Variants in PTPRG observed in about 807,000 individuals in gnomAD.
The protein encoded by PTPRG is receptor-type tyrosine-protein phosphatase gamma.
Under a neutral mutation model 165.3 loss-of-function variants are expected in PTPRG, and 102 were observed. The observed-to-expected ratio is 0.62, with a 90% CI of 0.53 to 0.73. The LOEUF is 0.73. PTPRG is among the 30% of genes least tolerant of loss of function. PTPRG has a pLI of 0.00. For synonymous variants in PTPRG, 675 were observed against 669.5 expected (o/e 1.01, Z -0.13); for missense variants, 1,866 against 1,861.4 (o/e 1.00, Z -0.05).
intron 2 of PTPRG, among the ~76,000 whole-genome samples, chr3:61,834,837 G>T (rs1398697605): frequency 6.6e-6 from 1 of 151,868 alleles, no homozygotes; most frequent in Non-Finnish European, 1.5e-5. Context: ...GAACATTTTG[G>T]TTCTGATGTG....
chr3:61,700,704 T>G (rs902579470), intron 1 of PTPRG, among the ~76,000 whole-genome samples: 6 of 152,214 alleles, frequency 3.9e-5, no homozygotes, highest in South Asian at 2.1e-4. Flanking sequence ...AATTTTAGCC[T>G]TGTTCCAGAA....
At chr3:61,643,417 A>G (rs891486434) in intron 1 of PTPRG, among the ~76,000 whole-genome samples, 1 of 152,214 alleles carries the variant, frequency 6.6e-6, no homozygotes, top group African/African-American at 2.4e-5. Context: ...CTGATTGGAA[A>G]TGGGGCAAAA....
intron 2 of PTPRG, among the ~76,000 whole-genome samples, chr3:61,853,124 CAA>C (rs1468192648): frequency 2.0e-5 from 3 of 152,090 alleles, no homozygotes; most frequent in Admixed American, 6.5e-5. Context: ...GGGAAACAGA[CAA>C]AGAGTAAGAA....
chr3:62,031,508 G>C (rs752350396), intron 4 of PTPRG, among the ~76,000 whole-genome samples: 1 of 152,180 alleles, frequency 6.6e-6, no homozygotes, highest in Non-Finnish European at 1.5e-5. Context: ...AATGAGTTTG[G>C]ATTTTATTTT....
intron 2 of PTPRG, among the ~76,000 whole-genome samples, chr3:61,839,405 G>A (rs1446144326): frequency 1.3e-5 from 2 of 152,110 alleles, no homozygotes; most frequent in African/African-American, 4.8e-5. Context: ...GCTGCTCCTG[G>A]AAGCCCCAGA....
At chr3:62,114,075 G>A (rs1227829142) in intron 5 of PTPRG, among the ~76,000 whole-genome samples, 7 of 152,220 alleles carry the variant, frequency 4.6e-5, no homozygotes, top group Non-Finnish European at 1.0e-4. Context: ...AAGGTGGGCA[G>A]ATCACCTGAG....
intron 21 of PTPRG, among the ~76,000 whole-genome samples, chr3:62,272,513 A>G (rs967001304): frequency 2.0e-5 from 3 of 152,106 alleles, no homozygotes; most frequent in Admixed American, 1.3e-4. Flanking sequence ...TTATGTTGCA[A>G]TGCTAAGTGA....
chr3:61,667,546 A>C (rs574784680), intron 1 of PTPRG, among the ~76,000 whole-genome samples: 2 of 152,318 alleles, frequency 1.3e-5, no homozygotes, highest in African/African-American at 4.8e-5. Context: ...GCTTCTCAGA[A>C]CAGTTCTATG....
At chr3:62,106,487 T>G (rs1003108696) in intron 5 of PTPRG, among the ~76,000 whole-genome samples, 5 of 147,786 alleles carry the variant, frequency 3.4e-5, no homozygotes, top group African/African-American at 1.2e-4. Context: ...TTTGGTCCCC[T>G]GCAAACTCTT....
At chr3:61,713,748 T>A (rs1365740727) in intron 1 of PTPRG, among the ~76,000 whole-genome samples, 1 of 152,154 alleles carries the variant, frequency 6.6e-6, no homozygotes, top group East Asian at 1.9e-4. Flanking sequence ...TGTCCCAATT[T>A]TTGGTTTGTA....
chr3:61,815,242 C>CAAAAAAAAA (rs749800087), intron 2 of PTPRG, among the ~76,000 whole-genome samples: 1 of 110,158 alleles, frequency 9.1e-6, no homozygotes, highest in Admixed American at 9.5e-5. Flanking sequence ...ACTAAAAATA[C>CAAAAAAAAA]AAAAAAAAAA....
chr3:61,922,760 C>T (rs2039110996), intron 2 of PTPRG, among the ~76,000 whole-genome samples: 2 of 152,322 alleles, frequency 1.3e-5, no homozygotes, highest in South Asian at 2.1e-4. Context: ...CCTGCTTCAG[C>T]CTCCTGAATA....
intron 4 of PTPRG, among the ~76,000 whole-genome samples, chr3:62,019,619 T>G (rs1434089659): frequency 6.6e-6 from 1 of 151,256 alleles, no homozygotes; most frequent in African/African-American, 2.4e-5. Flanking sequence ...TACTTGAAAA[T>G]TGCTAAGAGA....
chr3:61,671,984 G>A (rs1211177407), intron 1 of PTPRG, among the ~76,000 whole-genome samples: 2 of 130,816 alleles, frequency 1.5e-5, no homozygotes, highest in African/African-American at 6.0e-5. Context: ...CTGGGCGGAG[G>A]GGCTCCTCAC....
intron 4 of PTPRG, among the ~76,000 whole-genome samples, chr3:62,032,615 AGG>A (rs1201503500): frequency 1.3e-5 from 2 of 152,136 alleles, no homozygotes; most frequent in Non-Finnish European, 2.9e-5. Flanking sequence ...CCTTGACAGC[AGG>A]ATTTACTCCT....
chr3:61,701,528 T>G, intron 1 of PTPRG, among the ~76,000 whole-genome samples: 1 of 152,206 alleles, frequency 6.6e-6, no homozygotes, highest in East Asian at 1.9e-4. Flanking sequence ...TAGTGACTAA[T>G]TTTTCTACAG....
In PTPRG at chr3:61,848,716, G is replaced by A. The variant is rs564243019; in HGVS notation, c.190+99734G>A. Among the ~76,000 whole-genome samples, 142 of 152,186 alleles carry A rather than the reference G, an allele frequency of 9.3e-4. 2 individuals are homozygous for A. The highest frequency in any genetic ancestry group is 2.7e-3 in the African/African-American group (112 of 41,508). ...TGCTCAGTATACTATATCTTGAGTC[G>A]TCTTTATGCTCAATCTAATGCTTTA... On this transcript the variant is annotated intron_variant, in intron 2 of 29. Transcript: ENST00000474889.
chr3:62,004,496 C>T (rs1028940320), intron 4 of PTPRG, among the ~76,000 whole-genome samples: 2 of 152,182 alleles, frequency 1.3e-5, no homozygotes, highest in African/African-American at 4.8e-5. Context: ...CTCCTTGCCC[C>T]TCCTTAGTTC....
At chr3:62,019,031 C>A (rs552003457) in intron 4 of PTPRG, among the ~76,000 whole-genome samples, 2 of 152,148 alleles carry the variant, frequency 1.3e-5, no homozygotes, top group African/African-American at 2.4e-5. Flanking sequence ...AAACCAGGAC[C>A]TGCAGAAGCT....
Sources: gnomAD v4.1 joint callset for allele counts (sites outside exome capture counted in the v4.1 genomes callset) on GRCh38, gnomAD v4.1.1 for gene constraint, MANE v1.5 for transcripts, NCBI Gene and HGNC (gene_info 2026-07-23, HGNC 2026-07-21) for gene names.